Variants in PABPC4L observed in about 807,000 individuals in gnomAD.
PABPC4L encodes polyadenylate-binding protein 4-like.
For missense variants in PABPC4L, 452 were observed against 451.4 expected, an observed-to-expected ratio of 1.00 and a Z score of -0.01; for synonymous variants, 169 against 164.1, an observed-to-expected ratio of 1.03 and a Z score of -0.23.
the PABPC4L span, among the ~76,000 whole-genome samples, chr4:134,024,353 A>G: frequency 6.6e-6 from 1 of 152,126 alleles, no homozygotes; most frequent in Non-Finnish European, 1.5e-5. Context: ...TGTCTTAAAC[A>G]ACAGATATTT....
chr4:134,111,722 C>T, the PABPC4L span, among the ~76,000 whole-genome samples: 31,779 of 151,818 alleles, frequency 0.21, 4,121 homozygotes, highest in Non-Finnish European at 0.27. Flanking sequence ...GGTGTTTCTA[C>T]TTTTGGTTCT....
the PABPC4L span, among the ~76,000 whole-genome samples, chr4:134,183,639 A>T: frequency 6.6e-6 from 1 of 151,898 alleles, no homozygotes; most frequent in Non-Finnish European, 1.5e-5. Flanking sequence ...ACTTAAAATA[A>T]AAGTTAGAAG....
At chr4:134,183,916 G>A in the PABPC4L span, among the ~76,000 whole-genome samples, 2 of 151,474 alleles carry the variant, frequency 1.3e-5, no homozygotes, top group African/African-American at 2.4e-5. Context: ...AAGATTGTGT[G>A]TGTGCGTGTG....
At chr4:134,091,559 C>T in the PABPC4L span, among the ~76,000 whole-genome samples, 1 of 151,624 alleles carries the variant, frequency 6.6e-6, no homozygotes, top group East Asian at 1.9e-4. Context: ...GGCATTTTGC[C>T]CTATTCCTGA....
At chr4:133,974,039 C>T in the PABPC4L span, among the ~76,000 whole-genome samples, 1 of 151,988 alleles carries the variant, frequency 6.6e-6, no homozygotes, top group Admixed American at 6.6e-5. Context: ...TGTAAGGAAA[C>T]CAGAAAGGCC....
the PABPC4L span, among the ~76,000 whole-genome samples, chr4:134,070,733 T>G: frequency 1.1e-4 from 17 of 151,902 alleles, no homozygotes; most frequent in African/African-American, 4.1e-4. Context: ...CATGGTCAGG[T>G]GCAGTCTGCT....
the PABPC4L span, among the ~76,000 whole-genome samples, chr4:133,996,756 A>C: frequency 6.6e-6 from 1 of 152,118 alleles, no homozygotes; most frequent in African/African-American, 2.4e-5. Context: ...ACTGCTTAGC[A>C]CCGCCAATGA....
chr4:134,091,932 C>A, the PABPC4L span, among the ~76,000 whole-genome samples: 8 of 152,082 alleles, frequency 5.3e-5, no homozygotes, highest in Non-Finnish European at 1.0e-4. Flanking sequence ...ACTTTTACAG[C>A]AAAGTAATAA....
At chr4:134,170,977 T>G in the PABPC4L span, among the ~76,000 whole-genome samples, 1 of 152,190 alleles carries the variant, frequency 6.6e-6, no homozygotes, top group Non-Finnish European at 1.5e-5. Flanking sequence ...CCCTTTTATT[T>G]GCAACCTTGC....
At chr4:134,193,834 T>A (rs192995095), downstream of PABPC4L, among the ~76,000 whole-genome samples, 3 of 152,028 alleles carry the variant, frequency 2.0e-5, no homozygotes, top group Admixed American at 6.6e-5. Context: ...ATATAAATAT[T>A]CAATAAAATA....
the PABPC4L span, among the ~76,000 whole-genome samples, chr4:134,174,807 T>C: frequency 1.3e-5 from 2 of 152,158 alleles, no homozygotes; most frequent in Non-Finnish European, 2.9e-5. Context: ...TGACCAGAAA[T>C]TTTTTATATC....
chr4:134,152,822 G>C, the PABPC4L span, among the ~76,000 whole-genome samples: 1 of 152,154 alleles, frequency 6.6e-6, no homozygotes, highest in Non-Finnish European at 1.5e-5. Context: ...GTATGTACAA[G>C]AAGCATGGCA....
In PABPC4L at chr4:134,201,119, G is replaced by T; in HGVS notation, c.-100C>A. The T allele has an allele frequency of 1.3e-6, 2 of 1,550,504 alleles. No individual in the cohort carries two copies. The highest frequency in any genetic ancestry group is 1.7e-6 in the Non-Finnish European group (2 of 1,146,836). On this transcript the variant is annotated 5_prime_UTR_variant, in exon 2 of 2. Transcript: ENST00000421491. ...AGCTTTGGCCCGGTTCAAGTGTGGA[G>T]GCCTCGGGATCACCACACAAAGGCC...
chr4:134,136,291 T>A, the PABPC4L span, among the ~76,000 whole-genome samples: 1 of 152,178 alleles, frequency 6.6e-6, no homozygotes, highest in Non-Finnish European at 1.5e-5. Context: ...TCTATTTTAT[T>A]CCTGCAAGGC....
At chr4:134,077,361 A>C in the PABPC4L span, among the ~76,000 whole-genome samples, 1 of 152,176 alleles carries the variant, frequency 6.6e-6, no homozygotes. Context: ...GTTTTATGAA[A>C]GCCTAAAAAA....
At chr4:134,096,612 T>C in the PABPC4L span, among the ~76,000 whole-genome samples, 1 of 151,920 alleles carries the variant, frequency 6.6e-6, no homozygotes, top group Non-Finnish European at 1.5e-5. Flanking sequence ...TACTATCTTC[T>C]AAAATAATAT....
the PABPC4L span, among the ~76,000 whole-genome samples, chr4:134,003,693 T>G: frequency 6.6e-6 from 1 of 151,974 alleles, no homozygotes; most frequent in Admixed American, 6.6e-5. Context: ...AAAAAGACTA[T>G]AGTTGAACCA....
At chr4:134,043,491 G>A in the PABPC4L span, among the ~76,000 whole-genome samples, 3 of 151,902 alleles carry the variant, frequency 2.0e-5, no homozygotes, top group East Asian at 1.9e-4. Flanking sequence ...AAGTAATTGC[G>A]GTTTTTGCCA....
chr4:134,028,001 T>G, the PABPC4L span, among the ~76,000 whole-genome samples: 1 of 152,156 alleles, frequency 6.6e-6, no homozygotes. Flanking sequence ...CAGCATTAGA[T>G]AGCTGGGACA....
Sources: gnomAD v4.1 joint callset for allele counts (sites outside exome capture counted in the v4.1 genomes callset) on GRCh38, gnomAD v4.1.1 for gene constraint, MANE v1.5 for transcripts, NCBI Gene and HGNC (gene_info 2026-07-23, HGNC 2026-07-21) for gene names.